IRF4: variants seen among roughly 807,000 people sequenced by gnomAD.
IRF4 encodes interferon regulatory factor 4, also known as lymphocyte-specific interferon regulatory factor.
IRF4 carries 13 observed loss-of-function variants against 55.5 expected under a neutral mutation model. The observed-to-expected ratio is 0.23, with a 90% CI of 0.15 to 0.37. The LOEUF is 0.37. Among genes scored for constraint, IRF4 ranks in the 10% least tolerant of loss-of-function variants. The pLI is 1.00. For missense variants in IRF4, 397 were observed against 593.8 expected, an observed-to-expected ratio of 0.67 and a Z score of 3.44; for synonymous variants, 249 against 240.7, an observed-to-expected ratio of 1.03 and a Z score of -0.32.
At chr6:403,632 G>A (rs964041728) in intron 7 of IRF4, among the ~76,000 whole-genome samples, 10 of 152,350 alleles carry the variant, frequency 6.6e-5, no homozygotes, top group African/African-American at 2.4e-4. Context: ...TAATCTGTGA[G>A]CAAGAGCTGG....
Position 409,777 on chromosome 6 carries a change from C to G in IRF4, c.*2179C>G. ...CTTTGCTGAAGAATATTTAACCCCA[C>G]ACAGCACTTCAAAGAAGCTGTCTTG... On this transcript the variant is annotated 3_prime_UTR_variant, in exon 9 of 9. Coordinates refer to ENST00000380956, the MANE Select transcript of IRF4 (RefSeq NM_002460.4). The G allele has an allele frequency of 4.4e-6, 1 of 229,342 alleles. No individual in the cohort carries two copies. 14.2% of individuals were successfully genotyped at this position (229,342 alleles called of 1,614,324 possible).
At position 397,317 on chromosome 6, in the gene IRF4, A is replaced by G. The variant is rs376993016; in HGVS notation, c.637+65A>G. ...GCTAATGTGGCCATGGGCCATGGCGAATCCTGGTCTGTCCTGGGCAGCACC... is the reference window on the plus strand; with the variant it reads ...GCTAATGTGGCCATGGGCCATGGCGGATCCTGGTCTGTCCTGGGCAGCACC... On this transcript the variant is annotated intron_variant, in intron 5 of 8. Transcript: ENST00000380956. 5.8e-5 allele frequency: 92 copies of G among 1,573,438 alleles called. No individual in the cohort carries two copies. In the East Asian group the frequency reaches 7.4e-4, roughly 13 times the overall value.
chr6:396,796 C>G (rs1369702344), intron 4 of IRF4, among the ~76,000 whole-genome samples: 5 of 80,218 alleles, frequency 6.2e-5, no homozygotes. Context: ...ACTCCTTTAA[C>G]CCCGTCTCGA....
intron 6 of IRF4, among the ~76,000 whole-genome samples, chr6:400,211 A>G (rs1315159927): frequency 6.6e-6 from 1 of 152,110 alleles, no homozygotes; most frequent in East Asian, 1.9e-4. Flanking sequence ...TTTTTTTGGT[A>G]TGCATGATAC....
rs1761616478 is a variant in IRF4, at chr6:408,695, C to T, written c.*1097C>T. 2 of 230,686 alleles carry T rather than the reference C, an allele frequency of 8.7e-6. No individual in the cohort carries two copies. The highest frequency in any genetic ancestry group is 2.2e-5 in the African/African-American group (1 of 45,194). 14.3% of individuals were successfully genotyped at this position (230,686 alleles called of 1,614,324 possible). ...TGTTCCCTTCCTCTGTGCCACGCTC[C>T]TCTGTTTGTTTGGCTGTCCAGCGAT... is the stretch of plus-strand genomic sequence containing the variant. On this transcript the variant is annotated 3_prime_UTR_variant, in exon 9 of 9. Coordinates refer to ENST00000380956, the MANE Select transcript of IRF4 (RefSeq NM_002460.4).
intron 6 of IRF4, 79 bp downstream of exon 6, chr6:399,014 G>T (rs574443548): frequency 2.2e-5 from 21 of 967,656 alleles, no homozygotes; most frequent in Non-Finnish European, 3.1e-5. Flanking sequence ...GGGCAGATTC[G>T]ATGGGACTTT....
Position 397,218 on chromosome 6 carries a change from C to T in IRF4, c.603C>T (p.Arg201=), listed in dbSNP as rs139116052. The T allele has an allele frequency of 5.1e-5, 82 of 1,614,152 alleles. No homozygotes were observed. The highest frequency in any genetic ancestry group is 6.5e-5 in the Non-Finnish European group (77 of 1,180,062). The change falls in exon 5 of 9, where the codon CGC becomes CGT. Residue 201 remains arginine (R), a synonymous_variant. Transcript: ENST00000380956. ...AATGTCCCATGACGTTTGGACCCCG[C>T]GGCCACCACTGGCAAGGCCCAGCTT... ...PYQCPMTFGP[R]GHHWQGPACE...
chr6:401,186 G>T (rs1054050307), intron 6 of IRF4, among the ~76,000 whole-genome samples: 2 of 152,232 alleles, frequency 1.3e-5, no homozygotes, highest in African/African-American at 4.8e-5. Flanking sequence ...CAGATTAAAT[G>T]GGTTTCTTTC....
intron 3 of IRF4, among the ~76,000 whole-genome samples, chr6:395,619 A>T (rs1761231004): frequency 6.6e-6 from 1 of 152,204 alleles, no homozygotes; most frequent in Non-Finnish European, 1.5e-5. Context: ...GCCATCTGTC[A>T]TGTATTTCTT....
chr6:391,819 G>A lies in IRF4; in HGVS notation c.-56+10G>A. On this transcript the variant is annotated intron_variant, in intron 1 of 8. Transcript: ENST00000380956. ...CCGAGTCCAGGGCGAGGTAAGGGCT[G>A]GAGTCGGGCAGGAGGAGGGGTGTGA... 2.2e-6 allele frequency: 1 copy of A among 456,110 alleles called. No individual in the cohort carries two copies. Among genetic ancestry groups the A allele is most frequent in the South Asian group, 1.5e-5 (1 of 64,550 alleles). 28.3% of individuals were successfully genotyped at this position (456,110 alleles called of 1,614,324 possible). A position where few individuals can be genotyped will look rare whatever the true frequency, so the allele number is the denominator to read the frequency against.
chr6:401,559 A>G lies in IRF4; in HGVS notation c.881A>G (p.Tyr294Cys), dbSNP rs1224284590. The G allele has an allele frequency of 1.9e-6, 3 of 1,614,022 alleles. No homozygotes were observed. The East Asian group carries it at 6.7e-5, about 36-fold the overall frequency. The change falls in exon 7 of 9, where the codon TAC becomes TGC. Residue 294 changes from tyrosine to cysteine, a missense_variant. Physicochemically the swap from Tyr to Cys is radical, Grantham distance 194 (BLOSUM62 -2). Transcript: ENST00000380956. ...AACCTGGACCAGGTCCTGTTCCCCTACCCAGAGGACAATGGCCAGAGGAAA... is the reference window on the plus strand; with the variant it reads ...AACCTGGACCAGGTCCTGTTCCCCTGCCCAGAGGACAATGGCCAGAGGAAA... Reference protein sequence around the residue: ...ASNLDQVLFPYPEDNGQRKNI... With the variant: ...ASNLDQVLFPCPEDNGQRKNI...
rs905334023 is a variant in IRF4, at chr6:409,701, T to C, written c.*2103T>C. On this transcript the variant is annotated 3_prime_UTR_variant, in exon 9 of 9. Transcript: ENST00000380956. ...TGGGGTATATTATCCTAAGGGAAGA[T>C]AAAGATGATATTAAGAACTGCTGTT... 5 of 225,410 alleles carry C rather than the reference T, an allele frequency of 2.2e-5. No homozygotes were observed. The highest frequency in any genetic ancestry group is 3.5e-5 in the Non-Finnish European group (4 of 113,070). The allele number at this position is 225,410 out of a possible 1,614,324, so 14.0% of individuals were successfully genotyped here.
chr6:398,835 G>A lies in IRF4; in HGVS notation c.645G>A (p.Gln215=). ...WQGPACENGC[Q]VTGTFYACAP... is the part of the protein sequence containing the mutation. ...TTTTATTTGCAAATGCAGGTTGCCA[G>A]GTGACAGGAACCTTTTATGCTTGTG... The change falls in exon 6 of 9, where the codon CAG becomes CAA. Residue 215 remains glutamine, a synonymous_variant. Coordinates refer to ENST00000380956, the MANE Select transcript of IRF4 (RefSeq NM_002460.4). 6.2e-7 allele frequency: 1 copy of A among 1,613,182 alleles called. No individual in the cohort carries two copies. Among genetic ancestry groups the A allele is most frequent in the East Asian group, 2.2e-5 (1 of 44,882 alleles).
At chr6:404,894 G>C (rs1761504458) in intron 7 of IRF4, 124 bp from the exon 8 acceptor site, 3 of 646,668 alleles carry the variant, frequency 4.6e-6, no homozygotes, top group Non-Finnish European at 8.3e-6. Context: ...CCACTCAGCG[G>C]AGTAAGAGTG....
intron 8 of IRF4, among the ~76,000 whole-genome samples, chr6:406,302 G>T (rs1761541142): frequency 6.6e-6 from 1 of 152,230 alleles, no homozygotes; most frequent in South Asian, 2.1e-4. Context: ...CCGGCACTTT[G>T]GGAGGCTGAG....
chr6:407,893 A>G lies in IRF4; in HGVS notation c.*295A>G. 1 of 351,972 alleles carries G rather than the reference A, an allele frequency of 2.8e-6. No individual in the cohort carries two copies. The highest frequency in any genetic ancestry group is 5.1e-6 in the Non-Finnish European group (1 of 194,320). 21.8% of individuals were successfully genotyped at this position (351,972 alleles called of 1,614,324 possible). ...ACTGTTTTGAGGAATTCAGAAGTGGAGATTTCAGTTCAGCGGTTGAGGAGA... is the reference window on the plus strand; with the variant it reads ...ACTGTTTTGAGGAATTCAGAAGTGGGGATTTCAGTTCAGCGGTTGAGGAGA... On this transcript the variant is annotated 3_prime_UTR_variant, in exon 9 of 9. Transcript: ENST00000380956.
chr6:403,746 C>T (rs61469854), intron 7 of IRF4, among the ~76,000 whole-genome samples: 1,864 of 152,276 alleles, frequency 0.012, 39 homozygotes, highest in African/African-American at 0.041. Context: ...ATGCTGTGAA[C>T]GTAAAAACTG....
intron 7 of IRF4, 104 bp downstream of exon 7, chr6:401,881 C>T: frequency 3.0e-6 from 3 of 1,007,764 alleles, no homozygotes; most frequent in Non-Finnish European, 4.4e-6. Context: ...GGTCTTCCTC[C>T]TGTTGACTTC....
intron 1 of IRF4, among the ~76,000 whole-genome samples, chr6:392,632 C>T (rs573120209): frequency 1.3e-5 from 2 of 152,296 alleles, no homozygotes; most frequent in South Asian, 4.1e-4. Flanking sequence ...AACGCCCGGC[C>T]GCAGGCGAGG....
Sources: allele counts gnomAD v4.1 joint callset (sites outside exome capture counted in the v4.1 genomes callset), GRCh38; gene constraint gnomAD v4.1.1; transcripts MANE v1.5; gene names NCBI Gene and HGNC (gene_info 2026-07-23, HGNC 2026-07-21).